Variants in ADK observed in about 807,000 individuals in gnomAD.
ADK encodes the protein N6,N6-dimethyladenosine kinase.
In ADK, 24 loss-of-function variants were observed where a neutral mutation model predicts 44.7. The observed-to-expected ratio is 0.54, with a 90% confidence interval of 0.39 to 0.76. ADK has a LOEUF of 0.76. ADK is among the 30% of genes least tolerant of loss of function. The pLI is 0.00. For synonymous variants in ADK, 128 were observed against 142.6 expected (o/e 0.90, Z 0.73); for missense variants, 321 against 425.1 (o/e 0.76, Z 2.15).
chr10:74,414,406 A>T (rs1025478032), intron 6 of ADK, among the ~76,000 whole-genome samples: 2 of 152,150 alleles, frequency 1.3e-5, no homozygotes, highest in Admixed American at 6.5e-5. Context: ...TAGTAGGGAG[A>T]ATCTTTGATT....
intron 9 of ADK, among the ~76,000 whole-genome samples, chr10:74,643,298 G>T (rs1853938658): frequency 6.6e-6 from 1 of 151,908 alleles, no homozygotes; most frequent in South Asian, 2.1e-4. Context: ...TCCTTCTCTT[G>T]GACATAAATT....
At chr10:74,341,238 A>G (rs938634207) in intron 4 of ADK, among the ~76,000 whole-genome samples, 2 of 151,998 alleles carry the variant, frequency 1.3e-5, no homozygotes, top group African/African-American at 4.8e-5. Flanking sequence ...TTGCCATAGT[A>G]TATCTGTGCG....
intron 1 of ADK, among the ~76,000 whole-genome samples, chr10:74,192,096 T>C (rs896102840): frequency 4.6e-5 from 7 of 152,220 alleles, no homozygotes; most frequent in Non-Finnish European, 1.5e-5. Context: ...GTTTAAGTTG[T>C]TGTGTGTGTC....
chr10:74,450,289 G>A (rs998302008), intron 6 of ADK, among the ~76,000 whole-genome samples: 3 of 152,226 alleles, frequency 2.0e-5, no homozygotes, highest in African/African-American at 7.2e-5. Context: ...TTCAGCCTGT[G>A]TGACAGAGTG....
intron 3 of ADK, among the ~76,000 whole-genome samples, chr10:74,243,715 T>A (rs1845310420): frequency 6.6e-6 from 1 of 152,146 alleles, no homozygotes; most frequent in South Asian, 2.1e-4. Context: ...ATACAAAAGT[T>A]AGCTGGGCAT....
intron 9 of ADK, among the ~76,000 whole-genome samples, chr10:74,639,618 C>T (rs1252973936): frequency 6.6e-6 from 1 of 152,202 alleles, no homozygotes; most frequent in Non-Finnish European, 1.5e-5. Context: ...GGGCAGATCA[C>T]TTGAGGTCAG....
chr10:74,222,762 C>CA (rs1011371080), intron 2 of ADK, among the ~76,000 whole-genome samples: 2 of 149,230 alleles, frequency 1.3e-5, no homozygotes, highest in African/African-American at 5.0e-5. Flanking sequence ...ATCACAAGAA[C>CA]AAAAAACCAA....
intron 7 of ADK, among the ~76,000 whole-genome samples, chr10:74,550,209 C>G (rs375142758): frequency 6.6e-6 from 1 of 151,554 alleles, no homozygotes. Context: ...TAGCTGGGAT[C>G]ACAGGCATCC....
chr10:74,538,285 C>G (rs1849521993), intron 7 of ADK, among the ~76,000 whole-genome samples: 1 of 151,816 alleles, frequency 6.6e-6, no homozygotes, highest in South Asian at 2.1e-4. Flanking sequence ...ATGTATTGCT[C>G]TGCTTCATCA....
chr10:74,417,497 G>C (rs937945608), intron 6 of ADK, among the ~76,000 whole-genome samples: 12 of 152,092 alleles, frequency 7.9e-5, no homozygotes, highest in African/African-American at 2.9e-4. Context: ...AGACACATTG[G>C]TAAAAATCAG....
At chr10:74,167,521 A>G (rs1387610746) in intron 1 of ADK, among the ~76,000 whole-genome samples, 1 of 152,000 alleles carries the variant, frequency 6.6e-6, no homozygotes, top group Non-Finnish European at 1.5e-5. Context: ...CACTCACCTT[A>G]TGCCTTAGGG....
chr10:74,455,675 A>G (rs1845919535), intron 6 of ADK, among the ~76,000 whole-genome samples: 1 of 152,010 alleles, frequency 6.6e-6, no homozygotes, highest in South Asian at 2.1e-4. Flanking sequence ...ACGCCCAGCT[A>G]ATTTTTGTAT....
At chr10:74,579,561 A>G (rs1244775239) in intron 7 of ADK, among the ~76,000 whole-genome samples, 1 of 152,232 alleles carries the variant, frequency 6.6e-6, no homozygotes, top group African/African-American at 2.4e-5. Context: ...AGGCATCCCT[A>G]CAATTTCCAT....
chr10:74,517,725 A>C (rs1330897229), intron 6 of ADK, among the ~76,000 whole-genome samples: 1 of 151,750 alleles, frequency 6.6e-6, no homozygotes, highest in Non-Finnish European at 1.5e-5. Context: ...TATGCAGACT[A>C]TGTGATTTTC....
Position 74,404,691 on chromosome 10 carries a change from G to A in ADK, c.555+6112G>A, listed in dbSNP as rs564778910. On this transcript the variant is annotated intron_variant, in intron 6 of 10. Coordinates refer to ENST00000539909, the MANE Select transcript of ADK (RefSeq NM_006721.4). The stretch of plus-strand genomic sequence containing the variant: ...ATTCCCCAAATTTTGCTGCTTTTAA[G>A]ATTTTTCATATGAGACCAGGTGCGG... Among the ~76,000 whole-genome samples the A allele has an allele frequency of 4.1e-3, 622 of 152,184 alleles. 6 individuals carry two copies. Among genetic ancestry groups the A allele is most frequent in the African/African-American group, 0.014 (584 of 41,528 alleles).
chr10:74,177,502 CTT>C (rs1195062867), intron 1 of ADK, among the ~76,000 whole-genome samples: 1 of 152,160 alleles, frequency 6.6e-6, no homozygotes, highest in Non-Finnish European at 1.5e-5. Flanking sequence ...AAACTGGAGA[CTT>C]TCCCCCAATT....
rs1192890268 is a variant in ADK at position 74,177,923 on chromosome 10, T to TTATA, written c.66-22821_66-22818dup. 3.2e-3 allele frequency among the ~76,000 whole-genome samples: 423 copies of TTATA among 130,274 alleles called. 4 individuals are homozygous for TTATA. The highest frequency in any genetic ancestry group is 0.012 in the Middle Eastern group (3 of 248). 85.5% of individuals were successfully genotyped at this position (130,274 alleles called of 152,430 possible). On this transcript the variant is annotated intron_variant, in intron 1 of 10. Transcript: ENST00000539909. ...ATAGTCTGTCTCTTAAATTGCATAA[T>TTATA]TATATATATATATATATATATATTT... is the stretch of plus-strand genomic sequence containing the variant.
chr10:74,187,985 G>GC (rs1227877850), intron 1 of ADK, among the ~76,000 whole-genome samples: 1 of 152,146 alleles, frequency 6.6e-6, no homozygotes, highest in Non-Finnish European at 1.5e-5. Context: ...AGCCGTGTGG[G>GC]CCTGGAGTGT....
chr10:74,606,236 C>T (rs1428366679), intron 9 of ADK, among the ~76,000 whole-genome samples: 1 of 151,800 alleles, frequency 6.6e-6, no homozygotes, highest in African/African-American at 2.4e-5. Context: ...TTGTGTCTAA[C>T]TCCTTCACCT....
Sources: allele counts gnomAD v4.1 joint callset (sites outside exome capture counted in the v4.1 genomes callset), GRCh38; gene constraint gnomAD v4.1.1; transcripts MANE v1.5; gene names NCBI Gene and HGNC (gene_info 2026-07-23, HGNC 2026-07-21).